The following MIR2052HG variants were observed in gnomAD, a reference collection of about 807,000 sequenced individuals.
The protein encoded by MIR2052HG is MIR2052 host gene.
chr8:74,682,013 C>T (rs1434698095), intron 2 of MIR2052HG, among the ~76,000 whole-genome samples: 1 of 152,122 alleles, frequency 6.6e-6, no homozygotes, highest in Non-Finnish European at 1.5e-5. Flanking sequence ...ATACTATACA[C>T]ATAGCATCAT....
intron 2 of MIR2052HG, among the ~76,000 whole-genome samples, chr8:74,677,232 A>G (rs888692133): frequency 6.6e-6 from 1 of 152,036 alleles, no homozygotes; most frequent in South Asian, 2.1e-4. Flanking sequence ...TCATAAACAC[A>G]TCACCATCAT....
rs150115804 is a variant in MIR2052HG, at chr8:74,614,298, A to G, written n.216+1358A>G. On this transcript the variant is annotated intron_variant and non_coding_transcript_variant, in intron 2 of 6. Coordinates refer to ENST00000523442, the Ensembl canonical transcript of MIR2052HG. ...ATGCCTATTAAAATATCTGTTAAAAATATTTCCTCTATTTATTTTGATCTT... is the reference window on the plus strand; with the variant it reads ...ATGCCTATTAAAATATCTGTTAAAAGTATTTCCTCTATTTATTTTGATCTT... Among the ~76,000 whole-genome samples, 42 of 152,280 alleles carry G rather than the reference A, an allele frequency of 2.8e-4. No individual in the cohort carries two copies. In the East Asian group the frequency reaches 7.7e-3, roughly 28 times the overall value.
At chr8:74,685,236 A>G (rs941544512) in intron 2 of MIR2052HG, among the ~76,000 whole-genome samples, 6 of 152,108 alleles carry the variant, frequency 3.9e-5, no homozygotes, top group African/African-American at 1.4e-4. Context: ...TTCTTCTAAT[A>G]TGGCTAAGAT....
intron 4 of MIR2052HG, among the ~76,000 whole-genome samples, chr8:74,723,336 C>T (rs756469171): frequency 3.3e-5 from 5 of 152,144 alleles, no homozygotes; most frequent in Non-Finnish European, 4.4e-5. Context: ...TGATGGAATC[C>T]ACCAGGAATG....
At chr8:74,678,010 A>G (rs1809073350) in intron 2 of MIR2052HG, among the ~76,000 whole-genome samples, 1 of 152,198 alleles carries the variant, frequency 6.6e-6, no homozygotes, top group African/African-American at 2.4e-5. Flanking sequence ...GCAAATTTAT[A>G]GAAAATGTTT....
At chr8:74,728,473 C>T (rs562808391) in intron 4 of MIR2052HG, among the ~76,000 whole-genome samples, 6 of 152,216 alleles carry the variant, frequency 3.9e-5, no homozygotes, top group African/African-American at 1.4e-4. Flanking sequence ...CTATGTGGGT[C>T]AGTTCTGTGC....
chr8:74,646,054 T>C (rs1409852337), intron 2 of MIR2052HG, among the ~76,000 whole-genome samples: 1 of 152,188 alleles, frequency 6.6e-6, no homozygotes, highest in East Asian at 1.9e-4. Context: ...TCACTGGGGA[T>C]ACAAAAGCTA....
At chr8:74,698,097 C>G (rs1485583741) in intron 2 of MIR2052HG, among the ~76,000 whole-genome samples, 1 of 152,136 alleles carries the variant, frequency 6.6e-6, no homozygotes, top group Non-Finnish European at 1.5e-5. Flanking sequence ...CATTACCTGA[C>G]TTCAAACCAT....
intron 2 of MIR2052HG, among the ~76,000 whole-genome samples, chr8:74,623,439 G>A (rs1021227357): frequency 9.9e-5 from 15 of 152,012 alleles, no homozygotes; most frequent in Admixed American, 2.6e-4. Flanking sequence ...ACACAGTGTC[G>A]GGGAGAAAAG....
intron 4 of MIR2052HG, among the ~76,000 whole-genome samples, chr8:74,730,082 C>T (rs1435100122): frequency 6.6e-6 from 1 of 152,144 alleles, no homozygotes; most frequent in African/African-American, 2.4e-5. Context: ...GCCTAATATA[C>T]AACCCCTGCC....
intron 2 of MIR2052HG, among the ~76,000 whole-genome samples, chr8:74,637,508 A>G (rs938347345): frequency 3.9e-5 from 6 of 152,190 alleles, no homozygotes; most frequent in Non-Finnish European, 7.3e-5. Context: ...TCAGAAAAAC[A>G]CAGCCAATTT....
intron 4 of MIR2052HG, among the ~76,000 whole-genome samples, chr8:74,716,991 T>A (rs949315361): frequency 2.0e-5 from 3 of 152,196 alleles, no homozygotes; most frequent in East Asian, 1.9e-4. Context: ...TTTATTTTTT[T>A]AATTTAATTT....
intron 4 of MIR2052HG, among the ~76,000 whole-genome samples, chr8:74,714,999 TG>T (rs898490698): frequency 5.9e-5 from 9 of 152,204 alleles, no homozygotes; most frequent in African/African-American, 2.2e-4. Context: ...CCTTTTCTAT[TG>T]TTTTTTTATT....
Position 74,711,898 on chromosome 8 carries a change from CCT to C in MIR2052HG, n.371+8217_371+8218del, listed in dbSNP as rs769020436. 4.4e-3 allele frequency among the ~76,000 whole-genome samples: 672 copies of C among 152,200 alleles called. 8 individuals are homozygous for C. The highest frequency in any genetic ancestry group is 2.8e-3 in the Non-Finnish European group (188 of 68,008). On this transcript the variant is annotated intron_variant and non_coding_transcript_variant, in intron 4 of 6. Coordinates refer to ENST00000523442, the Ensembl canonical transcript of MIR2052HG. ...ATAGACTGAACTCCTGTGGATGCTTCCTGGGATGGTGCTGAATGCACTGCAAC... is the reference window on the plus strand; with the variant it reads ...ATAGACTGAACTCCTGTGGATGCTTCGGGATGGTGCTGAATGCACTGCAAC...
intron 4 of MIR2052HG, among the ~76,000 whole-genome samples, chr8:74,724,056 A>G (rs1172871118): frequency 6.6e-6 from 1 of 152,182 alleles, no homozygotes. Flanking sequence ...GTCTGTTCTC[A>G]TTCATTGTTT....
chr8:74,675,331 T>G (rs543309892), intron 2 of MIR2052HG, among the ~76,000 whole-genome samples: 4 of 152,198 alleles, frequency 2.6e-5, no homozygotes, highest in African/African-American at 9.6e-5. Context: ...TTTCTGTTCC[T>G]TGTCATTATT....
chr8:74,719,849 C>CTTTTTTTTTTTTTTTTTTTTTTTTTT (rs10647233), intron 4 of MIR2052HG, among the ~76,000 whole-genome samples: 11 of 106,714 alleles, frequency 1.0e-4, no homozygotes, highest in East Asian at 6.2e-4. Context: ...TTTCTTTTTT[C>CTTTTTTTTTTTTTTTTTTTTTTTTTT]TTTTTTTTTT....
At chr8:74,627,456 G>A (rs1808451549) in intron 2 of MIR2052HG, among the ~76,000 whole-genome samples, 1 of 152,162 alleles carries the variant, frequency 6.6e-6, no homozygotes, top group Non-Finnish European at 1.5e-5. Flanking sequence ...ATTCTGAGAA[G>A]AAATAATGCC....
At chr8:74,617,765 T>C (rs1808305957) in intron 2 of MIR2052HG, among the ~76,000 whole-genome samples, 2 of 152,168 alleles carry the variant, frequency 1.3e-5, no homozygotes, top group Non-Finnish European at 2.9e-5. Flanking sequence ...CTATTTTTAG[T>C]TCTTTGAAAA....
Sources: allele counts gnomAD v4.1 joint callset (sites outside exome capture counted in the v4.1 genomes callset), GRCh38; gene constraint gnomAD v4.1.1; transcripts MANE v1.5; gene names NCBI Gene and HGNC (gene_info 2026-07-23, HGNC 2026-07-21).